The following DTNB variants were observed in gnomAD, a reference collection of about 807,000 sequenced individuals.
DTNB encodes dystrobrevin beta, also known as DTN-B.
DTNB carries 63 observed loss-of-function variants against 90.7 expected under a neutral mutation model. The observed-to-expected ratio is 0.69, with a 90% CI of 0.57 to 0.86. The LOEUF is 0.86. Among genes scored for constraint, DTNB ranks in the 40% least tolerant of loss-of-function variants. DTNB has a pLI of 0.00. For missense variants in DTNB, 744 were observed against 807.1 expected (o/e 0.92, Z 0.95); for synonymous variants, 277 against 286.7 (o/e 0.97, Z 0.34).
At chr2:25,646,417 A>T (rs1279885694) in intron 2 of DTNB, among the ~76,000 whole-genome samples, 1 of 151,998 alleles carries the variant, frequency 6.6e-6, no homozygotes, top group Non-Finnish European at 1.5e-5. Flanking sequence ...GATTGCAGTG[A>T]GCCGAGATCA....
At chr2:25,646,690 C>A (rs2079535343) in intron 2 of DTNB, among the ~76,000 whole-genome samples, 1 of 152,178 alleles carries the variant, frequency 6.6e-6, no homozygotes, top group Non-Finnish European at 1.5e-5. Flanking sequence ...CACCTCATCC[C>A]TTCAAGTTGT....
chr2:25,393,497 A>G (rs1277229175), intron 16 of DTNB, among the ~76,000 whole-genome samples: 1 of 152,210 alleles, frequency 6.6e-6, no homozygotes, highest in African/African-American at 2.4e-5. Context: ...AGACTCATCC[A>G]AAAAGCTCCT....
intron 8 of DTNB, among the ~76,000 whole-genome samples, chr2:25,547,343 A>G (rs1176647246): frequency 3.3e-5 from 4 of 123,040 alleles, no homozygotes; most frequent in Non-Finnish European, 6.5e-5. Flanking sequence ...TTTTTTTTTA[A>G]GATGGAGTTT....
intron 6 of DTNB, among the ~76,000 whole-genome samples, chr2:25,595,804 G>A (rs1321425524): frequency 6.6e-6 from 1 of 151,990 alleles, no homozygotes; most frequent in East Asian, 1.9e-4. Context: ...AGTAATATAT[G>A]TCCTGTAGCA....
intron 1 of DTNB, 104 bp from the exon 2 acceptor site, chr2:25,652,765 C>T: frequency 1.7e-6 from 2 of 1,172,316 alleles, no homozygotes; most frequent in Non-Finnish European, 2.4e-6. Context: ...GTTGCAAATG[C>T]ACATTTTAAG....
intron 19 of DTNB, among the ~76,000 whole-genome samples, chr2:25,383,401 A>G (rs1019737096): frequency 2.0e-5 from 3 of 152,004 alleles, no homozygotes; most frequent in African/African-American, 7.3e-5. Context: ...TATTTTTAGT[A>G]GAGATGAGGT....
chr2:25,523,448 A>C (rs1460192442), intron 9 of DTNB, among the ~76,000 whole-genome samples: 1 of 152,032 alleles, frequency 6.6e-6, no homozygotes, highest in Non-Finnish European at 1.5e-5. Flanking sequence ...GAGACCAGCT[A>C]GGCCAACACG....
intron 3 of DTNB, among the ~76,000 whole-genome samples, chr2:25,635,560 T>C (rs928020234): frequency 3.3e-5 from 5 of 152,204 alleles, no homozygotes; most frequent in Admixed American, 6.5e-5. Context: ...AATCTCAACA[T>C]TGGCAATATG....
chr2:25,514,445 CG>C (rs1024208112), intron 9 of DTNB, among the ~76,000 whole-genome samples: 93 of 151,944 alleles, frequency 6.1e-4, no homozygotes, highest in African/African-American at 2.1e-3. Context: ...GTATAGACTT[CG>C]GCTTTTAAGT....
At chr2:25,536,446 A>C (rs969344417) in intron 8 of DTNB, among the ~76,000 whole-genome samples, 1 of 152,110 alleles carries the variant, frequency 6.6e-6, no homozygotes, top group African/African-American at 2.4e-5. Context: ...CTCCGTCTGC[A>C]ATCCCAGCAC....
rs2052273287 is a variant in DTNB at position 25,427,626 on chromosome 2, C to T, written c.1463G>A (p.Arg488Lys). 1 of 1,612,900 alleles carries T rather than the reference C, an allele frequency of 6.2e-7. No individual in the cohort carries two copies. The highest frequency in any genetic ancestry group is 1.7e-5 in the Admixed American group (1 of 59,976). Reference sequence around the variant, plus strand: ...CATCCTCTGCTCCAGTTCATCCTTCCTTTGCCTATCCAAGACGAGAAGCCT... The same window carrying T: ...CATCCTCTGCTCCAGTTCATCCTTCTTTTGCCTATCCAAGACGAGAAGCCT... The part of the protein sequence containing the change: ...LLAELRLLRQ[R>K]KDELEQRMSA... The change falls in exon 15 of 21, where the codon AGG becomes AAG. Residue 488 changes from arginine (R) to lysine (K), a missense_variant. By Grantham distance (26) the Arg-to-Lys change is conservative (BLOSUM62 2). Coordinates refer to ENST00000406818, the MANE Select transcript of DTNB (RefSeq NM_021907.5).
intron 9 of DTNB, among the ~76,000 whole-genome samples, chr2:25,505,857 C>G (rs1258735994): frequency 6.6e-6 from 1 of 152,196 alleles, no homozygotes; most frequent in African/African-American, 2.4e-5. Context: ...TGAGTCAGCA[C>G]ACAGTTCTCC....
At chr2:25,451,731 G>C in intron 11 of DTNB, 96 bp from the exon 12 acceptor site, 1 of 1,232,166 alleles carries the variant, frequency 8.1e-7, no homozygotes, top group East Asian at 2.8e-5. Flanking sequence ...GCTCATAAAA[G>C]AATGGTAATA....
intron 2 of DTNB, among the ~76,000 whole-genome samples, chr2:25,647,877 T>C (rs1202466775): frequency 6.7e-6 from 1 of 148,882 alleles, no homozygotes; most frequent in Non-Finnish European, 1.5e-5. Flanking sequence ...AATGCTTACA[T>C]AAGAAAAAAA....
chr2:25,391,970 A>G (rs1292620025), intron 16 of DTNB, among the ~76,000 whole-genome samples: 1 of 152,198 alleles, frequency 6.6e-6, no homozygotes, highest in Non-Finnish European at 1.5e-5. Flanking sequence ...AAAAAGTCTG[A>G]AAGAGCACAG....
At chr2:25,589,367 C>CTTTTTTTTTTTTTTTTTTTTTTT (rs1169808182) in intron 6 of DTNB, among the ~76,000 whole-genome samples, 1 of 57,556 alleles carries the variant, frequency 1.7e-5, no homozygotes, top group Non-Finnish European at 3.0e-5. Flanking sequence ...TTTTTCTTTT[C>CTTTTTTTTTTTTTTTTTTTTTTT]TTTTTTTTTT....
rs2060285012 is a variant in DTNB, at chr2:25,457,846, AT to A, written c.1080-2353del. ...GTGCATGATGTTAATTATTATTATT[AT>A]TTTTTGAGACAGAGTATTACTCTGT... On this transcript the variant is annotated intron_variant, in intron 10 of 20. Coordinates refer to ENST00000406818, the MANE Select transcript of DTNB (RefSeq NM_021907.5). 2.0e-5 allele frequency among the ~76,000 whole-genome samples: 3 copies of A among 152,012 alleles called. No individual in the cohort carries two copies. In the South Asian group the frequency reaches 6.2e-4, roughly 32 times the overall value.
intron 1 of DTNB, among the ~76,000 whole-genome samples, chr2:25,665,122 A>G (rs1169794835): frequency 6.6e-6 from 1 of 152,232 alleles, no homozygotes; most frequent in Non-Finnish European, 1.5e-5. Flanking sequence ...CTAAAGGAAA[A>G]GGAGAGAAGG....
At chr2:25,493,761 G>A (rs1461090124) in intron 9 of DTNB, among the ~76,000 whole-genome samples, 4 of 152,102 alleles carry the variant, frequency 2.6e-5, no homozygotes, top group Admixed American at 6.6e-5. Flanking sequence ...TAGGGGTTTC[G>A]GGACAAAATA....
Sources: gnomAD v4.1 joint callset for allele counts (sites outside exome capture counted in the v4.1 genomes callset) on GRCh38, gnomAD v4.1.1 for gene constraint, MANE v1.5 for transcripts, NCBI Gene and HGNC (gene_info 2026-07-23, HGNC 2026-07-21) for gene names.